ANK3: variants seen among roughly 807,000 people sequenced by gnomAD.
The protein encoded by ANK3 is ankyrin-3.
In ANK3, 57 loss-of-function variants were observed where a neutral mutation model predicts 370.9. That is an observed-to-expected ratio of 0.15 (90% CI 0.12 to 0.19). ANK3 has a LOEUF of 0.19. ANK3 is among the 10% of genes least tolerant of loss of function. The probability of loss-of-function intolerance (pLI) is 1.00; values close to 1 mark genes in which losing one functional copy is unlikely to be tolerated. For synonymous variants in ANK3, 1,929 were observed against 1,946.3 expected, an observed-to-expected ratio of 0.99 and a Z score of 0.23; for missense variants, 4,439 against 5,302.1, an observed-to-expected ratio of 0.84 and a Z score of 5.06.
At chr10:60,530,467 C>T (rs902934690) in intron 2 of ANK3, among the ~76,000 whole-genome samples, 1 of 122,158 alleles carries the variant, frequency 8.2e-6, no homozygotes, top group Non-Finnish European at 1.8e-5. Flanking sequence ...AAAAAAAAAA[C>T]CCTATGATAT....
At chr10:60,588,451 G>A (rs973311780) in intron 2 of ANK3, among the ~76,000 whole-genome samples, 23 of 151,778 alleles carry the variant, frequency 1.5e-4, no homozygotes, top group Admixed American at 1.2e-3. Flanking sequence ...CCAAAGTGCT[G>A]GGATTACAGG....
intron 2 of ANK3, among the ~76,000 whole-genome samples, chr10:60,544,370 A>T (rs150246717): frequency 1.3e-5 from 2 of 152,174 alleles, no homozygotes; most frequent in East Asian, 3.9e-4. Context: ...AAGAGTAAAG[A>T]AAACATGATT....
intron 1 of ANK3, among the ~76,000 whole-genome samples, chr10:60,288,824 G>T (rs2040625499): frequency 6.6e-6 from 1 of 151,764 alleles, no homozygotes; most frequent in Non-Finnish European, 1.5e-5. Context: ...GGAGAAAATG[G>T]AGATAAGATC....
In ANK3 at chr10:60,155,983, T is replaced by C. The variant is rs528449495; in HGVS notation, c.2614+10608A>G. Among the ~76,000 whole-genome samples the C allele has an allele frequency of 3.0e-4, 45 of 152,338 alleles. No homozygotes were observed. The South Asian group carries it at 9.1e-3, about 31-fold the overall frequency. The stretch of plus-strand genomic sequence containing the variant: ...CCTTCCTGGCTCCTCAGCTTGCAGA[T>C]GGCCTGTGAGACTTTACCTTGTGAT... On this transcript the variant is annotated intron_variant, in intron 23 of 43. Coordinates refer to ENST00000280772, the MANE Select transcript of ANK3 (RefSeq NM_020987.5).
intron 23 of ANK3, chr10:60,140,170 G>A (rs918180623): frequency 3.2e-6 from 2 of 633,572 alleles, no homozygotes; most frequent in South Asian, 2.2e-5. Flanking sequence ...TACCAATCAA[G>A]TCTAAAAATA....
intron 1 of ANK3, among the ~76,000 whole-genome samples, chr10:60,304,258 AC>A (rs2044465233): frequency 2.0e-4 from 1 of 4,974 alleles, no homozygotes; most frequent in Admixed American, 4.5e-3. Flanking sequence ...TGTTCATAAC[AC>A]ACACACACAC....
chr10:60,656,687 C>T (rs2078868562), intron 1 of ANK3, among the ~76,000 whole-genome samples: 1 of 152,098 alleles, frequency 6.6e-6, no homozygotes, highest in African/African-American at 2.4e-5. Flanking sequence ...TTCAGCTGTA[C>T]CCTATACAAC....
chr10:60,096,324 A>C (rs1002537212), intron 28 of ANK3, among the ~76,000 whole-genome samples: 1 of 152,346 alleles, frequency 6.6e-6, no homozygotes, highest in South Asian at 2.1e-4. Context: ...GATTTTAAAA[A>C]CGGTCCTTAC....
At chr10:60,285,507 C>T (rs768791763) in intron 1 of ANK3, among the ~76,000 whole-genome samples, 3 of 152,118 alleles carry the variant, frequency 2.0e-5, no homozygotes, top group Admixed American at 6.6e-5. Flanking sequence ...CAATCACCTT[C>T]TCTTTCTTGA....
intron 2 of ANK3, among the ~76,000 whole-genome samples, chr10:60,556,431 A>G (rs956587367): frequency 6.6e-5 from 10 of 152,122 alleles, no homozygotes; most frequent in African/African-American, 2.4e-4. Flanking sequence ...TTATACTTCA[A>G]TTACAAAGTC....
intron 33 of ANK3, among the ~76,000 whole-genome samples, chr10:60,083,113 G>A (rs373026388): frequency 4.6e-5 from 7 of 152,178 alleles, no homozygotes; most frequent in East Asian, 3.9e-4. Context: ...GAGAGAAGGT[G>A]ATCCCTCTAG....
chr10:60,450,330 T>C (rs1055629087), intron 2 of ANK3, among the ~76,000 whole-genome samples: 1 of 152,128 alleles, frequency 6.6e-6, no homozygotes, highest in African/African-American at 2.4e-5. Context: ...GAACAAGCTC[T>C]GATTTGCGGT....
chr10:60,256,982 A>G (rs987952757), intron 7 of ANK3, among the ~76,000 whole-genome samples: 12 of 152,230 alleles, frequency 7.9e-5, no homozygotes, highest in African/African-American at 2.9e-4. Context: ...CTGAATACAT[A>G]TTCAGTAATG....
At chr10:60,112,818 T>C (rs572516164) in intron 26 of ANK3, among the ~76,000 whole-genome samples, 2 of 152,350 alleles carry the variant, frequency 1.3e-5, no homozygotes, top group East Asian at 1.9e-4. Flanking sequence ...CAGCAAATAC[T>C]TCATATAATA....
At chr10:60,701,332 A>G (rs982106686) in intron 1 of ANK3, among the ~76,000 whole-genome samples, 1 of 152,184 alleles carries the variant, frequency 6.6e-6, no homozygotes, top group African/African-American at 2.4e-5. Flanking sequence ...ATTTGGCAAT[A>G]TTTGAAGGAG....
At chr10:60,380,197 T>C (rs2061373441) in intron 1 of ANK3, among the ~76,000 whole-genome samples, 1 of 152,210 alleles carries the variant, frequency 6.6e-6, no homozygotes, top group Non-Finnish European at 1.5e-5. Context: ...CATCCAGTAA[T>C]ATCACCCTCC....
chr10:60,157,925 G>GT (rs2095392355), intron 23 of ANK3, among the ~76,000 whole-genome samples: 1 of 91,858 alleles, frequency 1.1e-5, no homozygotes, highest in Non-Finnish European at 2.6e-5. Flanking sequence ...AGAGAGAGAG[G>GT]CAGCGGCAGG....
intron 40 of ANK3, chr10:60,062,400 A>G (rs1171218830): frequency 2.0e-5 from 3 of 152,260 alleles, no homozygotes; most frequent in Non-Finnish European, 4.4e-5. Context: ...CAATTTACAT[A>G]ATGAGGAAAA....
At chr10:60,357,185 C>CTTGACCTCCTTCACTCCAAGGCT (rs2057895968) in intron 1 of ANK3, among the ~76,000 whole-genome samples, 1 of 152,186 alleles carries the variant, frequency 6.6e-6, no homozygotes. Context: ...CTCTTACATC[C>CTTGACCTCCTTCACTCCAAGGCT]TTGACCTCCT....
Sources: allele counts gnomAD v4.1 joint callset (sites outside exome capture counted in the v4.1 genomes callset), GRCh38; gene constraint gnomAD v4.1.1; transcripts MANE v1.5; gene names NCBI Gene and HGNC (gene_info 2026-07-23, HGNC 2026-07-21).